The following CADPS2 variants were observed in gnomAD, a reference collection of about 807,000 sequenced individuals.
The protein encoded by CADPS2 is calcium-dependent secretion activator 2.
Under a neutral mutation model 172.5 loss-of-function variants are expected in CADPS2, and 93 were observed. The ratio of observed to expected loss-of-function variants is 0.54; its 90% CI spans 0.46 to 0.64. The LOEUF (loss-of-function observed/expected upper bound fraction) is 0.64, where lower values mean the gene tolerates loss of function less well. Among genes scored for constraint, CADPS2 ranks in the 30% least tolerant of loss-of-function variants. The pLI is 0.00. For synonymous variants in CADPS2, 546 were observed against 555.2 expected (o/e 0.98, Z 0.23); for missense variants, 1,420 against 1,565.9 (o/e 0.91, Z 1.57).
Position 122,697,872 on chromosome 7 carries a change from T to G in CADPS2, c.454-34303A>C, listed in dbSNP as rs769432765. On this transcript the variant is annotated intron_variant, in intron 2 of 29. Transcript: ENST00000449022. The stretch of plus-strand genomic sequence containing the variant: ...AAGTAGGGTTCTCCTCCACATGGAT[T>G]ACTTTATCTGAGGTTCCTGCAGGAG... The G allele has an allele frequency of 4.3e-6, 7 of 1,613,214 alleles. No homozygotes were observed. The South Asian group carries it at 6.6e-5, about 15-fold the overall frequency.
chr7:122,692,220 C>T (rs139120260), intron 2 of CADPS2, among the ~76,000 whole-genome samples: 3 of 152,232 alleles, frequency 2.0e-5, no homozygotes, highest in African/African-American at 4.8e-5. Flanking sequence ...GCTTGACTCC[C>T]GCAACATAGC....
At chr7:122,508,859 T>C (rs2059815715) in intron 9 of CADPS2, among the ~76,000 whole-genome samples, 1 of 152,230 alleles carries the variant, frequency 6.6e-6, no homozygotes, top group East Asian at 1.9e-4. Context: ...AGTAGAATAA[T>C]GTGGTAGTGC....
At position 122,591,664 on chromosome 7, in the gene CADPS2, A is replaced by G. The variant is rs1018898539; in HGVS notation, c.1224-10374T>C. Among the ~76,000 whole-genome samples, 11 of 151,966 alleles carry G rather than the reference A, an allele frequency of 7.2e-5. No individual in the cohort carries two copies. In the South Asian group the frequency reaches 8.3e-4, roughly 11 times the overall value. Reference sequence around the variant, plus strand: ...ATATAGACCAATGGAACAGAACAGAACCCTCAGAAATAATACCACACATCT... The same window carrying G: ...ATATAGACCAATGGAACAGAACAGAGCCCTCAGAAATAATACCACACATCT... On this transcript the variant is annotated intron_variant, in intron 6 of 29. Transcript: ENST00000449022.
intron 22 of CADPS2, among the ~76,000 whole-genome samples, chr7:122,390,971 T>G (rs138575038): frequency 1.3e-5 from 2 of 152,154 alleles, no homozygotes; most frequent in Non-Finnish European, 2.9e-5. Context: ...CAGATACATA[T>G]GTCGATGAGC....
At chr7:122,725,901 G>A (rs1379890468) in intron 2 of CADPS2, among the ~76,000 whole-genome samples, 1 of 151,194 alleles carries the variant, frequency 6.6e-6, no homozygotes, top group Non-Finnish European at 1.5e-5. Flanking sequence ...ACGCCTGGAT[G>A]ACACCTCACA....
chr7:122,828,098 A>T (rs1805469370), intron 1 of CADPS2, among the ~76,000 whole-genome samples: 1 of 152,024 alleles, frequency 6.6e-6, no homozygotes, highest in African/African-American at 2.4e-5. Context: ...TGTTTGATAC[A>T]TATCCATTTA....
At chr7:122,394,679 T>A (rs2044824151) in intron 20 of CADPS2, among the ~76,000 whole-genome samples, 1 of 150,494 alleles carries the variant, frequency 6.6e-6, no homozygotes, top group Non-Finnish European at 1.5e-5. Flanking sequence ...AAGGCCAGAG[T>A]AACTGCAATA....
At chr7:122,743,379 T>G (rs1194597340) in intron 1 of CADPS2, among the ~76,000 whole-genome samples, 1 of 152,146 alleles carries the variant, frequency 6.6e-6, no homozygotes, top group East Asian at 1.9e-4. Flanking sequence ...ACTAAAGACT[T>G]AAGCCAGGAT....
chr7:122,869,322 A>C (rs879523283), intron 1 of CADPS2, among the ~76,000 whole-genome samples: 1 of 152,144 alleles, frequency 6.6e-6, no homozygotes, highest in Non-Finnish European at 1.5e-5. Context: ...ATATTGAAAA[A>C]TCTGCATAAG....
intron 7 of CADPS2, among the ~76,000 whole-genome samples, chr7:122,569,863 C>A (rs1358256514): frequency 7.0e-6 from 1 of 142,252 alleles, no homozygotes; most frequent in African/African-American, 2.8e-5. Flanking sequence ...CTTCCTTACA[C>A]CTTATACAAA....
Position 122,868,400 on chromosome 7 carries a change from G to C in CADPS2, c.339+17599C>G, listed in dbSNP as rs531348685. Among the ~76,000 whole-genome samples the C allele has an allele frequency of 2.0e-5, 3 of 152,152 alleles. No homozygotes were observed. In the East Asian group the frequency reaches 5.8e-4, roughly 30 times the overall value. The stretch of plus-strand genomic sequence containing the variant: ...TTCCAGCTCTCCACTTCTCAAAGAA[G>C]GAACAGAAATATATATTTAACATTC... On this transcript the variant is annotated intron_variant, in intron 1 of 29. Coordinates refer to ENST00000449022, the MANE Select transcript of CADPS2 (RefSeq NM_017954.11).
intron 8 of CADPS2, among the ~76,000 whole-genome samples, chr7:122,541,109 G>T (rs2062869490): frequency 6.6e-6 from 1 of 151,508 alleles, no homozygotes; most frequent in Admixed American, 6.6e-5. Flanking sequence ...CACCAAATAG[G>T]TGATACTGTG....
chr7:122,790,026 G>GTTTTTTT lies in CADPS2; in HGVS notation c.340-52959_340-52958insAAAAAAA, dbSNP rs771290127. ...ATAAGAATAGGCAAACAAATATTAA[G>GTTTTTTT]TGTTTTTTTTTTTTTTTTTTGAAAA... is the stretch of plus-strand genomic sequence containing the variant. On this transcript the variant is annotated intron_variant, in intron 1 of 29. Coordinates refer to ENST00000449022, the MANE Select transcript of CADPS2 (RefSeq NM_017954.11). Among the ~76,000 whole-genome samples the GTTTTTTT allele has an allele frequency of 1.7e-4, 24 of 141,090 alleles. 1 individual carries two copies. Among genetic ancestry groups the GTTTTTTT allele is most frequent in the Admixed American group, 2.2e-4 (3 of 13,938 alleles). The allele number at this position is 141,090 out of a possible 152,430, so 92.6% of individuals were successfully genotyped here. A position where few individuals can be genotyped will look rare whatever the true frequency, so the allele number is the denominator to read the frequency against.
At chr7:122,627,610 G>A (rs903601024) in intron 4 of CADPS2, among the ~76,000 whole-genome samples, 37 of 152,060 alleles carry the variant, frequency 2.4e-4, no homozygotes, top group African/African-American at 6.8e-4. Flanking sequence ...CTGAGAATAC[G>A]TCTGAGTCTC....
chr7:122,651,608 G>C (rs1314110285), intron 3 of CADPS2, among the ~76,000 whole-genome samples: 1 of 152,126 alleles, frequency 6.6e-6, no homozygotes, highest in Non-Finnish European at 1.5e-5. Context: ...AACATGGGTG[G>C]TGTAGTCTTC....
chr7:122,393,884 C>T (rs1337117951), intron 20 of CADPS2, among the ~76,000 whole-genome samples: 1 of 152,134 alleles, frequency 6.6e-6, no homozygotes, highest in Non-Finnish European at 1.5e-5. Flanking sequence ...TGACCACTCG[C>T]TGGAAATTCA....
At chr7:122,702,385 C>A in intron 2 of CADPS2, 2 of 1,613,826 alleles carry the variant, frequency 1.2e-6, no homozygotes, top group Non-Finnish European at 1.7e-6. Context: ...CATTTGCTCC[C>A]TTCTCTGCTG....
In CADPS2 at chr7:122,318,761, T is replaced by C. The variant is rs926001440; in HGVS notation, c.*1404A>G. On this transcript the variant is annotated 3_prime_UTR_variant, in exon 30 of 30. Coordinates refer to ENST00000449022, the MANE Select transcript of CADPS2 (RefSeq NM_017954.11). ...TGCTAAATAGTAACTGTAGATTAAA[T>C]AGATTTTTAAGGCTAGTCTAGGTAC... is the stretch of plus-strand genomic sequence containing the variant. 10 of 152,152 alleles carry C rather than the reference T, an allele frequency of 6.6e-5. No homozygotes were observed. Among genetic ancestry groups the C allele is most frequent in the African/African-American group, 2.4e-4 (10 of 41,430 alleles). The allele number at this position is 152,152 out of a possible 1,614,324, so 9.4% of individuals were successfully genotyped here. A position where few individuals can be genotyped will look rare whatever the true frequency, so the allele number is the denominator to read the frequency against.
chr7:122,822,572 C>A (rs1306415461), intron 1 of CADPS2, among the ~76,000 whole-genome samples: 1 of 145,794 alleles, frequency 6.9e-6, no homozygotes, highest in Non-Finnish European at 1.5e-5. Flanking sequence ...TGAGCCCAAG[C>A]CAAGCCATCG....
Sources: gnomAD v4.1 joint callset for allele counts (sites outside exome capture counted in the v4.1 genomes callset) on GRCh38, gnomAD v4.1.1 for gene constraint, MANE v1.5 for transcripts, NCBI Gene and HGNC (gene_info 2026-07-23, HGNC 2026-07-21) for gene names.